DSC3: variants seen among roughly 807,000 people sequenced by gnomAD.
DSC3 encodes desmocollin-3.
A neutral mutation model predicts 89.5 loss-of-function variants in DSC3; 97 were observed. The observed-to-expected ratio is 1.08, with a 90% CI of 0.92 to 1.28. The LOEUF (loss-of-function observed/expected upper bound fraction) is 1.28. Ranked by LOEUF, DSC3 falls within the 50% of genes most tolerant of loss-of-function variation. The pLI, the probability that DSC3 is intolerant of heterozygous loss-of-function variation, is 0.00. For missense variants in DSC3, 1,199 were observed against 1,085.3 expected (o/e 1.10, Z -1.47); for synonymous variants, 436 against 384.1 (o/e 1.14, Z -1.58).
chr18:31,020,786 T>TA (rs1266378435), intron 7 of DSC3, among the ~76,000 whole-genome samples: 1 of 151,646 alleles, frequency 6.6e-6, no homozygotes, highest in Non-Finnish European at 1.5e-5. Flanking sequence ...CCACAAACAA[T>TA]AAAAAAATCA....
chr18:31,007,128 T>G lies in DSC3; in HGVS notation c.1667A>C (p.Asp556Ala). 1 of 1,608,644 alleles carries G rather than the reference T, an allele frequency of 6.2e-7. No homozygotes were observed. The highest frequency in any genetic ancestry group is 8.5e-7 in the Non-Finnish European group (1 of 1,175,198). The change falls in exon 12 of 16, where the codon GAT becomes GCT. Residue 556 changes from aspartate to alanine, a missense_variant. By Grantham distance (126) the Asp-to-Ala change is moderately radical. Transcript: ENST00000360428. ...NITVLAIDKDDRSCTGTLAVN... is the reference protein window; with the variant it reads ...NITVLAIDKDARSCTGTLAVN... Reference sequence around the variant, plus strand: ...AGCAAGTGTTCCAGTACATGATCTATCATCTAAGGAGACAGGAATAAGGTT... The same window carrying G: ...AGCAAGTGTTCCAGTACATGATCTAGCATCTAAGGAGACAGGAATAAGGTT...
chr18:31,018,778 A>T lies in DSC3; in HGVS notation c.965T>A (p.Ile322Lys), dbSNP rs1985320413. Residue 322 changes from isoleucine to lysine, a missense_variant, in exon 8 of 16, where the codon ATA (isoleucine) becomes AAA (lysine). Transcript: ENST00000360428. ...GCCATCCATGTCTTGTACTTTCATT[A>T]TCAATGAGTACTTGTCTACAACCTG... ...DREVVDKYSL[I>K]MKVQDMDGQF... 6.2e-7 allele frequency: 1 copy of T among 1,613,696 alleles called. No individual in the cohort carries two copies. The highest frequency in any genetic ancestry group is 1.7e-5 in the Admixed American group (1 of 59,998).
rs1454788120 is a variant in DSC3 at position 31,042,626 on chromosome 18, C to A, written c.35G>T (p.Gly12Val). The stretch of plus-strand genomic sequence containing the variant: ...CAGCAGCAGATGCAGGCAGACGGCT[C>A]CGCGCACGGAGCGCCGGGGCCCAGC... ...AAAGPRRSVR[G>V]AVCLHLLLTL... Residue 12 changes from glycine to valine, a missense_variant, in exon 1 of 16, where the codon GGA (glycine) becomes GTA (valine). Physicochemically the swap from Gly to Val is moderately radical, Grantham distance 109. Coordinates refer to ENST00000360428, the MANE Select transcript of DSC3 (RefSeq NM_001941.5). The A allele has an allele frequency of 9.0e-6, 14 of 1,550,226 alleles. No individual in the cohort carries two copies. The Admixed American group carries it at 1.4e-4, about 15-fold the overall frequency.
At chr18:31,029,748 A>G in intron 3 of DSC3, 120 bp from the exon 4 acceptor site, 4 of 1,272,942 alleles carry the variant, frequency 3.1e-6, no homozygotes, top group Non-Finnish European at 4.5e-6. Flanking sequence ...AGGCATTTCC[A>G]TGCTGGAGCT....
At chr18:31,014,055 AATAG>A (rs1404354749) in intron 9 of DSC3, among the ~76,000 whole-genome samples, 8 of 152,278 alleles carry the variant, frequency 5.3e-5, no homozygotes, top group African/African-American at 1.7e-4. Context: ...TAATGTCTAA[AATAG>A]ATAGCTGTAA....
At chr18:31,041,068 C>T (rs1219906689) in intron 1 of DSC3, among the ~76,000 whole-genome samples, 1 of 152,048 alleles carries the variant, frequency 6.6e-6, no homozygotes, top group African/African-American at 2.4e-5. Context: ...TTTAGATTTA[C>T]GCGCACCTTC....
At chr18:31,015,140 G>A (rs562987325) in intron 9 of DSC3, among the ~76,000 whole-genome samples, 27 of 152,134 alleles carry the variant, frequency 1.8e-4, no homozygotes, top group Middle Eastern at 3.4e-3. Flanking sequence ...AAATATAAGG[G>A]TAACTATCTT....
At chr18:31,005,075 G>A (rs1016219385) in intron 12 of DSC3, among the ~76,000 whole-genome samples, 2 of 152,130 alleles carry the variant, frequency 1.3e-5, no homozygotes, top group African/African-American at 4.8e-5. Context: ...TGAAAAAGTA[G>A]CATAATACAC....
chr18:31,041,892 C>G (rs1598557759), intron 1 of DSC3, among the ~76,000 whole-genome samples: 1 of 152,050 alleles, frequency 6.6e-6, no homozygotes, highest in Admixed American at 6.6e-5. Context: ...ACCCTCTACC[C>G]GCCTCCACAC....
At chr18:31,042,395 T>G (rs915866105) in intron 1 of DSC3, among the ~76,000 whole-genome samples, 197 bp downstream of exon 1, 1 of 152,138 alleles carries the variant, frequency 6.6e-6, no homozygotes, top group Admixed American at 6.5e-5. Context: ...AAAAGCTCAG[T>G]CCAGAGTCGA....
intron 3 of DSC3, among the ~76,000 whole-genome samples, chr18:31,029,887 A>C (rs1269824200): frequency 6.6e-6 from 1 of 152,228 alleles, no homozygotes; most frequent in Non-Finnish European, 1.5e-5. Context: ...TCATGTTAGG[A>C]AAATCACCAC....
At chr18:30,997,143 TA>T (rs1383000279) in intron 14 of DSC3, 95 bp from the exon 15 acceptor site, 23 of 1,409,684 alleles carry the variant, frequency 1.6e-5, no homozygotes, top group Admixed American at 7.0e-5. Context: ...TTCAACCTTT[TA>T]TTCATTCATT....
chr18:31,015,598 C>T (rs1344101566), intron 9 of DSC3, among the ~76,000 whole-genome samples: 5 of 152,090 alleles, frequency 3.3e-5, no homozygotes, highest in Non-Finnish European at 7.4e-5. Flanking sequence ...CTAAGCAAGA[C>T]AAAACCTCTG....
At chr18:31,008,641 T>C (rs1171562770) in intron 9 of DSC3, 116 bp from the exon 10 acceptor site, 2 of 1,345,974 alleles carry the variant, frequency 1.5e-6, no homozygotes, top group African/African-American at 1.4e-5. Context: ...GTTCACATGT[T>C]GTTAATACTG....
rs1382876851 is a variant in DSC3 at position 30,989,583 on chromosome 18, A to G, written c.*4592T>C. ...AAGTCACTGAATTATACACTTTAAAATGGTGAAAATGATGAATTTTAACCA... is the reference window on the plus strand; with the variant it reads ...AAGTCACTGAATTATACACTTTAAAGTGGTGAAAATGATGAATTTTAACCA... On this transcript the variant is annotated 3_prime_UTR_variant, in exon 16 of 16. Transcript: ENST00000360428. 6.6e-6 allele frequency among the ~76,000 whole-genome samples: 1 copy of G among 152,238 alleles called. No homozygotes were observed. The highest frequency in any genetic ancestry group is 2.4e-5 in the African/African-American group (1 of 41,464).
At position 30,997,332 on chromosome 18, in the gene DSC3, G is replaced by T. The variant is rs772744143; in HGVS notation, c.2236-284C>A. 3.9e-5 allele frequency among the ~76,000 whole-genome samples: 6 copies of T among 152,204 alleles called. No homozygotes were observed. The East Asian group carries it at 1.2e-3, about 30-fold the overall frequency. On this transcript the variant is annotated intron_variant, in intron 14 of 15. Transcript: ENST00000360428. ...CAAGATCAAGGAGTTCACATTTGGC[G>T]AGGGCCCATCCCATGGCAGAAGGTG...
intron 9 of DSC3, among the ~76,000 whole-genome samples, chr18:31,012,480 G>GCCAAGTT (rs1293792404): frequency 6.6e-6 from 1 of 152,260 alleles, no homozygotes; most frequent in African/African-American, 2.4e-5. Context: ...TGTATGAACA[G>GCCAAGTT]AGTTATCTCT....
At chr18:31,021,282 C>T (rs949815161) in intron 7 of DSC3, among the ~76,000 whole-genome samples, 1 of 152,072 alleles carries the variant, frequency 6.6e-6, no homozygotes, top group African/African-American at 2.4e-5. Flanking sequence ...TGCAAAGTTT[C>T]AATTACTCAC....
In DSC3 at chr18:31,036,597, G is replaced by T. The variant is rs146877588; in HGVS notation, c.70-4321C>A. On this transcript the variant is annotated intron_variant, in intron 1 of 15. Transcript: ENST00000360428. ...TAAAGTAGTATTTTTGCTCTTTTTA[G>T]ACTTTGACTCTCAAAACAATTTTAT... Among the ~76,000 whole-genome samples the T allele has an allele frequency of 8.8e-3, 1,324 of 151,126 alleles. 25 individuals carry two copies. The highest frequency in any genetic ancestry group is 0.03 in the African/African-American group (1,242 of 41,174).
Sources: gnomAD v4.1 joint callset for allele counts (sites outside exome capture counted in the v4.1 genomes callset) on GRCh38, gnomAD v4.1.1 for gene constraint, MANE v1.5 for transcripts, NCBI Gene and HGNC (gene_info 2026-07-23, HGNC 2026-07-21) for gene names.